The following ZFP90 variants were observed in gnomAD, a reference collection of about 807,000 sequenced individuals.
The protein encoded by ZFP90 is zinc finger protein 90 homolog.
A neutral mutation model predicts 60.8 loss-of-function variants in ZFP90; 38 were observed. That is an observed-to-expected ratio of 0.62 (90% CI 0.48 to 0.82). The LOEUF is 0.82. ZFP90 is among the 40% of genes least tolerant of loss of function. The probability of loss-of-function intolerance (pLI) is 0.00; values close to 1 mark genes in which losing one functional copy is unlikely to be tolerated. For synonymous variants in ZFP90, 287 were observed against 264.8 expected (o/e 1.08, Z -0.82); for missense variants, 711 against 759.1 (o/e 0.94, Z 0.74).
chr16:68,546,987 A>G (rs1617749), intron 2 of ZFP90, among the ~76,000 whole-genome samples: 123,044 of 152,248 alleles, frequency 0.81, 49,965 homozygotes, highest in African/African-American at 0.89. Context: ...CCATTCATCC[A>G]TTGATAGACA....
chr16:68,533,665 T>G (rs1249147887), intron 1 of ZFP90: 1 of 152,210 alleles, frequency 6.6e-6, no homozygotes, highest in Non-Finnish European at 1.5e-5. Flanking sequence ...TGCCATCTTC[T>G]AATTCTCCTT....
In ZFP90 at chr16:68,539,499, A is replaced by AC. The variant is rs889300221; in HGVS notation, c.-36+24dup. 3 of 463,472 alleles carry AC rather than the reference A, an allele frequency of 6.5e-6. No individual in the cohort carries two copies. Among genetic ancestry groups the AC allele is most frequent in the African/African-American group, 4.1e-5 (2 of 48,660 alleles). 28.7% of individuals were successfully genotyped at this position (463,472 alleles called of 1,614,324 possible). A position where few individuals can be genotyped will look rare whatever the true frequency, so the allele number is the denominator to read the frequency against. On this transcript the variant is annotated intron_variant, in intron 1 of 4. Transcript: ENST00000563169. ...TTCTGAGTGCGCGGGTCTGGGCGGG[A>AC]CCCCTCCTGGGTTTGGCGGGTGTCA...
At chr16:68,575,611 G>A (rs1017518483) in intron 2 of ZFP90, among the ~76,000 whole-genome samples, 1 of 150,444 alleles carries the variant, frequency 6.6e-6, no homozygotes. Context: ...AAACCAATTA[G>A]GCAAGGGTAG....
intron 2 of ZFP90, among the ~76,000 whole-genome samples, chr16:68,550,037 G>A (rs980444321): frequency 3.3e-5 from 5 of 152,110 alleles, no homozygotes; most frequent in East Asian, 1.9e-4. Flanking sequence ...AATGTAGAAC[G>A]GTGGTGTGCC....
At position 68,564,805 on chromosome 16, in the gene ZFP90, T is replaced by C. The variant is rs1417318483; in HGVS notation, c.*107T>C. The C allele has an allele frequency of 2.1e-6, 3 of 1,444,262 alleles. No homozygotes were observed. Among genetic ancestry groups the C allele is most frequent in the Non-Finnish European group, 2.7e-6 (3 of 1,103,666 alleles). 89.5% of individuals were successfully genotyped at this position (1,444,262 alleles called of 1,614,324 possible). A position where few individuals can be genotyped will look rare whatever the true frequency, so the allele number is the denominator to read the frequency against. On this transcript the variant is annotated 3_prime_UTR_variant, in exon 5 of 5. Coordinates refer to ENST00000563169, the MANE Select transcript of ZFP90 (RefSeq NM_001305203.2). ...GAATGTAATGAATTACGTGTGTGTT[T>C]ATACGTTGTGTGTGGAGAAAACTGC...
intron 2 of ZFP90, among the ~76,000 whole-genome samples, chr16:68,573,265 C>T (rs755130918): frequency 6.6e-6 from 1 of 152,216 alleles, no homozygotes; most frequent in Non-Finnish European, 1.5e-5. Context: ...CCAAGGGAAA[C>T]TAGGCTGCCC....
Position 68,566,514 on chromosome 16 carries a change from T to TC in ZFP90, c.*1816_*1817insC, listed in dbSNP as rs2091530583. 1.0e-6 allele frequency: 1 copy of TC among 985,340 alleles called. No individual in the cohort carries two copies. The highest frequency in any genetic ancestry group is 6.2e-5 in the Admixed American group (1 of 16,246). 61.0% of individuals were successfully genotyped at this position (985,340 alleles called of 1,614,324 possible). A position where few individuals can be genotyped will look rare whatever the true frequency, so the allele number is the denominator to read the frequency against. ...TTCTTCATTCTTTGCAGGGAAAAAA[T>TC]TGTGCATGGGGGCTGAAATGTAATA... On this transcript the variant is annotated 3_prime_UTR_variant, in exon 5 of 5. Coordinates refer to ENST00000563169, the MANE Select transcript of ZFP90 (RefSeq NM_001305203.2).
At chr16:68,571,455 A>G (rs770979774), downstream of ZFP90, among the ~76,000 whole-genome samples, 9 of 152,188 alleles carry the variant, frequency 5.9e-5, no homozygotes, top group African/African-American at 1.2e-4. Context: ...GTTTAAACTC[A>G]TTTACAGTTA....
At position 68,563,380 on chromosome 16, in the gene ZFP90, T is replaced by TA. The variant is rs749138559; in HGVS notation, c.594dup (p.Leu199ThrfsTer2). The TA allele has an allele frequency of 6.2e-7, 1 of 1,613,836 alleles. No individual in the cohort carries two copies. The highest frequency in any genetic ancestry group is 1.1e-5 in the South Asian group (1 of 90,992). On this transcript the variant is annotated frameshift_variant, in exon 5 of 5. Coordinates refer to ENST00000563169, the MANE Select transcript of ZFP90 (RefSeq NM_001305203.2). LOFTEE classifies it high-confidence loss of function. ...AGCAATTTGGGACATAATGCAGACT[T>TA]ACTTAATGAGAATAATATTCTTGCA...
At chr16:68,562,196 T>C (rs898204563) in intron 4 of ZFP90, 1 of 152,250 alleles carries the variant, frequency 6.6e-6, no homozygotes, top group Non-Finnish European at 1.5e-5. Context: ...GTACAAGTCT[T>C]ATATGTACCA....
In ZFP90 at chr16:68,566,136, AATTT is replaced by A; in HGVS notation, c.*1443_*1446del. On this transcript the variant is annotated 3_prime_UTR_variant, in exon 5 of 5. Transcript: ENST00000563169. The stretch of plus-strand genomic sequence containing the variant: ...CAACAGAGCAAGACACACACACATC[AATTT>A]ATTTTAGTTGTATAATGCTTTTCTA... 4 of 962,564 alleles carry A rather than the reference AATTT, an allele frequency of 4.2e-6. No homozygotes were observed. Among genetic ancestry groups the A allele is most frequent in the Non-Finnish European group, 2.4e-6 (2 of 818,624 alleles). 59.6% of individuals were successfully genotyped at this position (962,564 alleles called of 1,614,324 possible). A position where few individuals can be genotyped will look rare whatever the true frequency, so the allele number is the denominator to read the frequency against.
intron 3 of ZFP90, 85 bp from the exon 4 acceptor site, chr16:68,558,388 C>T (rs777826800): frequency 7.8e-7 from 1 of 1,284,420 alleles, no homozygotes; most frequent in South Asian, 1.2e-5. Context: ...TCCTGAGGAT[C>T]AAGGACTAGT....
At chr16:68,547,306 A>C (rs1111502) in intron 2 of ZFP90, among the ~76,000 whole-genome samples, 5 of 152,106 alleles carry the variant, frequency 3.3e-5, no homozygotes, top group Admixed American at 1.3e-4. Flanking sequence ...CATCCTAACC[A>C]GTGTGAGGTG....
chr16:68,572,332 A>G lies in ZFP90; in HGVS notation c.224-3459A>G, dbSNP rs562479312. Among the ~76,000 whole-genome samples the G allele has an allele frequency of 5.9e-5, 9 of 152,194 alleles. No individual in the cohort carries two copies. The South Asian group carries it at 1.9e-3, about 31-fold the overall frequency. On this transcript the variant is annotated intron_variant, in intron 2 of 2. Transcript: ENST00000573113. ...TATTGTAGTAATTAATGGGGCTTTT[A>G]TTTTACTGTCTGCATTAAAAAACTG...
In ZFP90 at chr16:68,564,246, C is replaced by T. The variant is rs577030908; in HGVS notation, c.1459C>T (p.Gln487Ter). 6.2e-7 allele frequency: 1 copy of T among 1,613,908 alleles called. No individual in the cohort carries two copies. Among genetic ancestry groups the T allele is most frequent in the African/African-American group, 1.3e-5 (1 of 74,902 alleles). The change falls in exon 5 of 5, where the codon CAA (glutamine) becomes TAA (stop). Residue 487 changes from glutamine to a stop codon, truncating the protein, a stop_gained. Transcript: ENST00000563169. LOFTEE classifies it high-confidence loss of function. ...PYDCEQAFSQ[Q>*]AISHPGEKPY... ...TGATTGTGAGCAGGCTTTTAGTCAG[C>T]AAGCTATTTCTCATCCTGGAGAGAA...
chr16:68,563,975 T>C lies in ZFP90; in HGVS notation c.1188T>C (p.Cys396=), dbSNP rs752706710. The change falls in exon 5 of 5, where the codon TGT becomes TGC. Residue 396 remains cysteine, a synonymous_variant. Coordinates refer to ENST00000563169, the MANE Select transcript of ZFP90 (RefSeq NM_001305203.2). ...ATACTGGAGAGAAACCTTTTGAATG[T>C]AGCATATGTGGGAGGGCTTTTGGTC... ...RTHTGEKPFE[C]SICGRAFGQS... 5.6e-6 allele frequency: 9 copies of C among 1,614,074 alleles called. No individual in the cohort carries two copies. Among genetic ancestry groups the C allele is most frequent in the Non-Finnish European group, 7.6e-6 (9 of 1,180,006 alleles).
intron 4 of ZFP90, chr16:68,562,625 G>A: frequency 4.8e-6 from 1 of 209,256 alleles, no homozygotes; most frequent in South Asian, 9.9e-5. Flanking sequence ...TGGAGACCTG[G>A]AACCTGAGAG....
rs1042381075 is a variant in ZFP90 at position 68,565,769 on chromosome 16, G to A, written c.*1071G>A. 1 of 985,384 alleles carries A rather than the reference G, an allele frequency of 1.0e-6. No homozygotes were observed. The highest frequency in any genetic ancestry group is 1.1e-4 in the East Asian group (1 of 8,936). 61.0% of individuals were successfully genotyped at this position (985,384 alleles called of 1,614,324 possible). On this transcript the variant is annotated 3_prime_UTR_variant, in exon 5 of 5. Coordinates refer to ENST00000563169, the MANE Select transcript of ZFP90 (RefSeq NM_001305203.2). ...TGCCCATTGCCATAAATTTTGCCTT[G>A]TACTCAGAGAAGCAACATGCACTGG...
At chr16:68,568,853 A>G (rs2091552553), downstream of ZFP90, among the ~76,000 whole-genome samples, 1 of 152,078 alleles carries the variant, frequency 6.6e-6, no homozygotes, top group Admixed American at 6.6e-5. Flanking sequence ...TAATTTTTGT[A>G]TTTTTAGTAG....
Sources: gnomAD v4.1 joint callset for allele counts (sites outside exome capture counted in the v4.1 genomes callset) on GRCh38, gnomAD v4.1.1 for gene constraint, MANE v1.5 for transcripts, NCBI Gene and HGNC (gene_info 2026-07-23, HGNC 2026-07-21) for gene names.